The following ANKRD11 variants were observed in gnomAD, a reference collection of about 807,000 sequenced individuals.
ANKRD11 encodes the protein ankyrin repeat domain-containing protein 11.
A neutral mutation model predicts 195.7 loss-of-function variants in ANKRD11; 17 were observed. That is an observed-to-expected ratio of 0.09 (90% CI 0.06 to 0.13). The LOEUF is 0.13. Ranked by LOEUF, ANKRD11 falls within the 10% of genes least tolerant of loss-of-function variation. The pLI, the probability that ANKRD11 is intolerant of heterozygous loss-of-function variation, is 1.00. For synonymous variants in ANKRD11, 1,953 were observed against 1,528.1 expected, an observed-to-expected ratio of 1.28 and a Z score of -6.49; for missense variants, 3,735 against 3,566.1, an observed-to-expected ratio of 1.05 and a Z score of -1.21.
At chr16:89,428,638 G>A (rs182278829) in intron 1 of ANKRD11, among the ~76,000 whole-genome samples, 1 of 148,324 alleles carries the variant, frequency 6.7e-6, no homozygotes, top group African/African-American at 2.5e-5. Flanking sequence ...GCCCATGCCT[G>A]TAATCCCAGC....
intron 4 of ANKRD11, among the ~76,000 whole-genome samples, chr16:89,293,501 T>A (rs1408872098): frequency 1.0e-5 from 1 of 98,628 alleles, no homozygotes; most frequent in Non-Finnish European, 2.1e-5. Flanking sequence ...GGGGCAGAGT[T>A]GGGGCTGCAG....
intron 2 of ANKRD11, among the ~76,000 whole-genome samples, chr16:89,379,008 T>C (rs544175570): frequency 9.7e-4 from 148 of 152,356 alleles, no homozygotes; most frequent in African/African-American, 3.0e-3. Context: ...AGACGCCTCC[T>C]GCAGTCGTAG....
chr16:89,318,831 C>T (rs1259492991), intron 2 of ANKRD11, among the ~76,000 whole-genome samples: 1 of 152,240 alleles, frequency 6.6e-6, no homozygotes, highest in Non-Finnish European at 1.5e-5. Context: ...CACTGCCTGA[C>T]ACCTCCACCC....
intron 2 of ANKRD11, chr16:89,323,706 A>C: frequency 1.1e-5 from 3 of 279,660 alleles, no homozygotes; most frequent in Non-Finnish European, 2.1e-5. Context: ...GCCTCCACAC[A>C]CCCCTGCACG....
intron 1 of ANKRD11, among the ~76,000 whole-genome samples, chr16:89,446,185 A>C (rs1286782979): frequency 1.3e-5 from 2 of 152,130 alleles, no homozygotes; most frequent in African/African-American, 4.8e-5. Context: ...ATCAGTCCCT[A>C]ATTGGGTGTG....
intron 2 of ANKRD11, among the ~76,000 whole-genome samples, chr16:89,416,871 C>T (rs1186564375): frequency 6.6e-6 from 1 of 152,138 alleles, no homozygotes; most frequent in Non-Finnish European, 1.5e-5. Flanking sequence ...AGCTCAGACC[C>T]TGGGGTGTGG....
Position 89,283,042 on chromosome 16 carries a change from G to T in ANKRD11, c.3500C>A (p.Ser1167Tyr). Residue 1167 changes from serine (S) to tyrosine (Y), a missense_variant, in exon 9 of 13, where the codon TCT (serine) becomes TAT (tyrosine). By Grantham distance (144) the Ser-to-Tyr change is moderately radical (BLOSUM62 -2). Coordinates refer to ENST00000301030, the MANE Select transcript of ANKRD11 (RefSeq NM_013275.6). This position sits in a 1 kb window ranked among gnomAD's most constrained non-coding sequence, Gnocchi z 4.3. ...CCTCTCAGGGTGCTGCTTGTCAGAAGACTTCCTGTGTCTGTCGGAGGCATA... is the reference window on the plus strand; with the variant it reads ...CCTCTCAGGGTGCTGCTTGTCAGAATACTTCCTGTGTCTGTCGGAGGCATA... ...EAYASDRHRK[S>Y]SDKQHPERQK... 6.2e-7 allele frequency: 1 copy of T among 1,613,836 alleles called. No individual in the cohort carries two copies. Among genetic ancestry groups the T allele is most frequent in the Non-Finnish European group, 8.5e-7 (1 of 1,180,016 alleles).
chr16:89,399,448 G>A (rs1448808022), intron 2 of ANKRD11, among the ~76,000 whole-genome samples: 3 of 152,230 alleles, frequency 2.0e-5, no homozygotes, highest in Non-Finnish European at 2.9e-5. Context: ...TGACATCCAG[G>A]AAAGGGCAAA....
At position 89,282,600 on chromosome 16, in the gene ANKRD11, C is replaced by G. The variant is rs767698081; in HGVS notation, c.3942G>C (p.Glu1314Asp). 1.2e-6 allele frequency: 2 copies of G among 1,614,210 alleles called. No homozygotes were observed. The highest frequency in any genetic ancestry group is 2.2e-5 in the South Asian group (2 of 91,076). ...SSDSFTDRGQ[E>D]PGLTAFLEVS... ...CCTCCAGGAAGGCAGTCAGCCCCGG[C>G]TCCTGCCCTCGGTCCGTGAAGCTGT... Residue 1314 changes from glutamate to aspartate, a missense_variant, in exon 9 of 13, where the codon GAG (glutamate) becomes GAC (aspartate). By Grantham distance (45) the Glu-to-Asp change is conservative (BLOSUM62 2). Coordinates refer to ENST00000301030, the MANE Select transcript of ANKRD11 (RefSeq NM_013275.6).
chr16:89,380,322 A>G (rs1051125260), intron 2 of ANKRD11, among the ~76,000 whole-genome samples: 35 of 152,200 alleles, frequency 2.3e-4, no homozygotes, highest in Non-Finnish European at 7.4e-5. Flanking sequence ...ATGTTGGCCA[A>G]GCTGGTCTCA....
At chr16:89,372,255 G>A (rs2040226018) in intron 2 of ANKRD11, among the ~76,000 whole-genome samples, 1 of 152,216 alleles carries the variant, frequency 6.6e-6, no homozygotes, top group South Asian at 2.1e-4. Flanking sequence ...TCCTCCTGCA[G>A]CCCGAGCCTC....
At chr16:89,467,085 G>A (rs1288483148) in intron 1 of ANKRD11, among the ~76,000 whole-genome samples, 5 of 152,142 alleles carry the variant, frequency 3.3e-5, no homozygotes, top group Non-Finnish European at 5.9e-5. Flanking sequence ...GTGAGAAGGC[G>A]CAGGGAGAAA....
chr16:89,312,876 G>T (rs1266243150), intron 3 of ANKRD11, among the ~76,000 whole-genome samples: 2 of 152,180 alleles, frequency 1.3e-5, no homozygotes, highest in African/African-American at 4.8e-5. Context: ...TACTTATCTT[G>T]AGGGACGTAG....
intron 2 of ANKRD11, among the ~76,000 whole-genome samples, chr16:89,389,085 T>C (rs895723118): frequency 3.2e-4 from 48 of 152,292 alleles, no homozygotes; most frequent in East Asian, 2.1e-3. Context: ...ATTACAGTGC[T>C]GGAGTGCAGT....
chr16:89,331,068 C>G (rs1425832401), intron 2 of ANKRD11, among the ~76,000 whole-genome samples: 2 of 152,198 alleles, frequency 1.3e-5, no homozygotes, highest in Non-Finnish European at 2.9e-5. Context: ...ATTCTCCTGC[C>G]TCAGCCTCCT....
chr16:89,479,793 A>G (rs544704682), intron 1 of ANKRD11, among the ~76,000 whole-genome samples: 82 of 151,950 alleles, frequency 5.4e-4, no homozygotes, highest in Admixed American at 3.3e-3. Flanking sequence ...AATACAAAAA[A>G]TTAGCCGGGG....
At chr16:89,351,774 A>G (rs909163829) in intron 2 of ANKRD11, among the ~76,000 whole-genome samples, 1 of 152,204 alleles carries the variant, frequency 6.6e-6, no homozygotes, top group Non-Finnish European at 1.5e-5. Flanking sequence ...TAAAGGTCCA[A>G]GTTTCTTTCT....
At chr16:89,270,031 G>A (rs1322075992) in intron 12 of ANKRD11, 3 of 152,752 alleles carry the variant, frequency 2.0e-5, no homozygotes, top group Admixed American at 6.5e-5. Context: ...TGTGGTGTGA[G>A]TGACTTCCTG....
At position 89,364,979 on chromosome 16, in the gene ANKRD11, T is replaced by C. The variant is rs916914487; in HGVS notation, c.-59-47901A>G. 2.4e-4 allele frequency among the ~76,000 whole-genome samples: 36 copies of C among 152,240 alleles called. 1 individual carries two copies. The highest frequency in any genetic ancestry group is 2.0e-3 in the Admixed American group (31 of 15,288). Reference sequence around the variant, plus strand: ...CTATGTTAATTTTCAAATTTTGGCATGGAAATCACATTCTAAGACGCTTCC... The same window carrying C: ...CTATGTTAATTTTCAAATTTTGGCACGGAAATCACATTCTAAGACGCTTCC... On this transcript the variant is annotated intron_variant, in intron 2 of 12. Transcript: ENST00000301030.
Sources: allele counts gnomAD v4.1 joint callset (sites outside exome capture counted in the v4.1 genomes callset), GRCh38; gene constraint gnomAD v4.1.1; non-coding constraint Gnocchi (gnomAD v3.1); transcripts MANE v1.5; gene names NCBI Gene and HGNC (gene_info 2026-07-23, HGNC 2026-07-21).